ADGRL2: variants seen among roughly 807,000 people sequenced by gnomAD.
ADGRL2 encodes the protein calcium-independent alpha-latrotoxin receptor 2.
In ADGRL2, 44 loss-of-function variants were observed where a neutral mutation model predicts 157.4. The observed-to-expected ratio is 0.28, with a 90% confidence interval of 0.22 to 0.36. The LOEUF (loss-of-function observed/expected upper bound fraction) is 0.36. Ranked by LOEUF, ADGRL2 falls within the 10% of genes least tolerant of loss-of-function variation. The pLI is 1.00. For synonymous variants in ADGRL2, 585 were observed against 624.7 expected, an observed-to-expected ratio of 0.94 and a Z score of 0.95; for missense variants, 1,510 against 1,768.9, an observed-to-expected ratio of 0.85 and a Z score of 2.63.
chr1:81,434,301 T>C (rs1226100888), intron 1 of ADGRL2, among the ~76,000 whole-genome samples: 4 of 152,246 alleles, frequency 2.6e-5, no homozygotes, highest in South Asian at 2.1e-4. Flanking sequence ...ACACATGTAA[T>C]GTATTTTCAA....
At chr1:81,606,106 C>A (rs945597434) in intron 3 of ADGRL2, among the ~76,000 whole-genome samples, 12 of 152,162 alleles carry the variant, frequency 7.9e-5, no homozygotes, top group African/African-American at 2.9e-4. Flanking sequence ...GTGAGCTCCT[C>A]TATCTTTCTG....
intron 2 of ADGRL2, among the ~76,000 whole-genome samples, chr1:81,450,141 T>C (rs988329733): frequency 6.6e-6 from 1 of 152,114 alleles, no homozygotes; most frequent in African/African-American, 2.4e-5. Context: ...GTGGAGAGTA[T>C]AGATGAGTCC....
intron 1 of ADGRL2, among the ~76,000 whole-genome samples, chr1:81,396,834 T>A (rs749043507): frequency 6.6e-6 from 1 of 152,208 alleles, no homozygotes; most frequent in African/African-American, 2.4e-5. Context: ...TTCCACATGA[T>A]CATGTTGAAT....
chr1:81,915,200 C>T (rs1227029966), intron 3 of ADGRL2, among the ~76,000 whole-genome samples: 2 of 151,960 alleles, frequency 1.3e-5, no homozygotes, highest in African/African-American at 4.8e-5. Flanking sequence ...CTCAGTCTCC[C>T]GAGTAGCTGG....
rs1427643752 is a variant in ADGRL2, at chr1:81,350,709, T to G, written c.-302+44200T>G. ...CAGGGTTGTGATACTTGACAGATTT[T>G]ATGCCTCACATTATGCAATTTAACA... On this transcript the variant is annotated intron_variant, in intron 1 of 24. Transcript: ENST00000370721. Among the ~76,000 whole-genome samples the G allele has an allele frequency of 3.3e-5, 5 of 152,216 alleles. No homozygotes were observed. The South Asian group carries it at 6.2e-4, about 19-fold the overall frequency.
intron 1 of ADGRL2, among the ~76,000 whole-genome samples, chr1:81,400,449 T>C (rs2076732443): frequency 6.6e-6 from 1 of 152,086 alleles, no homozygotes; most frequent in African/African-American, 2.4e-5. Flanking sequence ...GGATTGTAAC[T>C]GTGATTTTAC....
intron 3 of ADGRL2, among the ~76,000 whole-genome samples, chr1:81,632,435 G>T (rs891738121): frequency 6.6e-6 from 1 of 152,268 alleles, no homozygotes. Context: ...AAGGCTCTGA[G>T]TGTGCAGCTT....
intron 2 of ADGRL2, among the ~76,000 whole-genome samples, chr1:81,464,847 G>A (rs1309400910): frequency 1.1e-4 from 16 of 150,868 alleles, no homozygotes; most frequent in African/African-American, 3.7e-4. Context: ...TGCAATATCC[G>A]TGATATTCAA....
At chr1:81,948,011 G>A (rs1650443563) in intron 6 of ADGRL2, among the ~76,000 whole-genome samples, 1 of 152,086 alleles carries the variant, frequency 6.6e-6, no homozygotes, top group Non-Finnish European at 1.5e-5. Flanking sequence ...GAGGTCAGGA[G>A]ATCGAGACCA....
chr1:81,561,153 C>T (rs144055619), intron 2 of ADGRL2, among the ~76,000 whole-genome samples: 2 of 152,108 alleles, frequency 1.3e-5, no homozygotes, highest in African/African-American at 4.8e-5. Context: ...CTGCTCTACT[C>T]TTTCTTTTCT....
chr1:81,911,459 A>G (rs1347724480), intron 3 of ADGRL2, among the ~76,000 whole-genome samples: 1 of 152,174 alleles, frequency 6.6e-6, no homozygotes, highest in East Asian at 1.9e-4. Flanking sequence ...TCTTTGCAGC[A>G]GTTGGGTACA....
intron 2 of ADGRL2, among the ~76,000 whole-genome samples, chr1:81,500,229 G>A (rs570838088): frequency 2.6e-5 from 4 of 152,332 alleles, no homozygotes; most frequent in Non-Finnish European, 4.4e-5. Flanking sequence ...AGCAGCTACT[G>A]TGGAAATAGT....
chr1:81,722,248 G>C, intron 1 of ADGRL2: 1 of 404,630 alleles, frequency 2.5e-6, no homozygotes. Context: ...AGCGGAGATC[G>C]CGCCACTGCA....
chr1:81,814,535 G>A (rs697988), intron 1 of ADGRL2, among the ~76,000 whole-genome samples: 15,935 of 151,298 alleles, frequency 0.11, 973 homozygotes, highest in Admixed American at 0.18. Context: ...TGTATGAAGA[G>A]TCTAGAATGC....
At chr1:81,972,054 G>T in intron 17 of ADGRL2, 136 bp downstream of exon 17, 1 of 442,506 alleles carries the variant, frequency 2.3e-6, no homozygotes, top group Non-Finnish European at 4.0e-6. Context: ...CAGGATAATA[G>T]TATATTTTAA....
At chr1:81,355,931 G>GAA (rs35737223) in intron 1 of ADGRL2, among the ~76,000 whole-genome samples, 1 of 151,856 alleles carries the variant, frequency 6.6e-6, no homozygotes, top group Admixed American at 6.6e-5. Flanking sequence ...GCCAAATTAA[G>GAA]AAAAAAATGT....
At chr1:81,962,420 G>A (rs924709545) in intron 11 of ADGRL2, among the ~76,000 whole-genome samples, 1 of 152,054 alleles carries the variant, frequency 6.6e-6, no homozygotes, top group Non-Finnish European at 1.5e-5. Flanking sequence ...ATAGTTTACA[G>A]ATACTTATTC....
chr1:81,589,428 C>T (rs888548293), intron 3 of ADGRL2, among the ~76,000 whole-genome samples: 4 of 152,156 alleles, frequency 2.6e-5, no homozygotes, highest in African/African-American at 9.7e-5. Flanking sequence ...CTGATCCCCC[C>T]TCCCTAATGG....
In ADGRL2 at chr1:81,560,199, T is replaced by C. The variant is rs149397975; in HGVS notation, c.-247-20677T>C. 2.4e-3 allele frequency among the ~76,000 whole-genome samples: 364 copies of C among 152,290 alleles called. 2 individuals carry two copies. Among genetic ancestry groups the C allele is most frequent in the African/African-American group, 8.1e-3 (337 of 41,538 alleles). ...AAAACATTTCAAAGAGTATGGGTAT[T>C]GTGAAGGATTATGACAATAAAAGAC... On this transcript the variant is annotated intron_variant, in intron 2 of 24. Transcript: ENST00000370721.
Sources: gnomAD v4.1 joint callset for allele counts (sites outside exome capture counted in the v4.1 genomes callset) on GRCh38, gnomAD v4.1.1 for gene constraint, MANE v1.5 for transcripts, NCBI Gene and HGNC (gene_info 2026-07-23, HGNC 2026-07-21) for gene names.